Variants in ZNF503 observed in about 807,000 individuals in gnomAD.
ZNF503 encodes zinc finger protein 503, also known as NocA-like zinc finger 2.
A neutral mutation model predicts 34.4 loss-of-function variants in ZNF503; 15 were observed. The ratio of observed to expected loss-of-function variants is 0.44; its 90% CI spans 0.29 to 0.67. The LOEUF (loss-of-function observed/expected upper bound fraction) is 0.67, where lower values mean the gene tolerates loss of function less well. Among genes scored for constraint, ZNF503 ranks in the 30% least tolerant of loss-of-function variants. ZNF503 has a pLI of 0.13. For missense variants in ZNF503, 1,007 were observed against 926.8 expected (o/e 1.09, Z -1.12); for synonymous variants, 580 against 456.8 (o/e 1.27, Z -3.44).
Position 75,399,791 on chromosome 10 carries a change from C to T in ZNF503, c.899G>A (p.Gly300Glu), listed in dbSNP as rs1843758772. The change falls in exon 2 of 2, where the codon GGG (glycine) becomes GAG (glutamate). Residue 300 changes from glycine (G) to glutamate (E), a missense_variant. Transcript: ENST00000372524. ...INVDVNQHPD[G>E]GPGGKALGSD... Reference sequence around the variant, plus strand: ...GCCCAGAGCCTTGCCTCCCGGGCCCCCATCCGGATGCTGGTTCACATCCAC... The same window carrying T: ...GCCCAGAGCCTTGCCTCCCGGGCCCTCATCCGGATGCTGGTTCACATCCAC... 6.3e-7 allele frequency: 1 copy of T among 1,597,630 alleles called. No homozygotes were observed. The highest frequency in any genetic ancestry group is 1.7e-4 in the Middle Eastern group (1 of 6,044).
chr10:75,320,662 TAAAG>T, the ZNF503 span, among the ~76,000 whole-genome samples: 1 of 151,694 alleles, frequency 6.6e-6, no homozygotes, highest in South Asian at 2.1e-4. Context: ...TAAAAAAAAT[TAAAG>T]AAAAGATAAG....
chr10:75,328,606 T>G, the ZNF503 span, among the ~76,000 whole-genome samples: 1 of 151,900 alleles, frequency 6.6e-6, no homozygotes, highest in Non-Finnish European at 1.5e-5. Flanking sequence ...CATACAAGTT[T>G]TAGGATTTTT....
the ZNF503 span, among the ~76,000 whole-genome samples, chr10:75,369,012 T>C: frequency 1.3e-5 from 2 of 152,332 alleles, no homozygotes; most frequent in Admixed American, 6.5e-5. Context: ...ATCTGTATAG[T>C]GGGATACTAT....
the ZNF503 span, among the ~76,000 whole-genome samples, chr10:75,347,475 C>G: frequency 6.6e-6 from 1 of 152,224 alleles, no homozygotes; most frequent in Non-Finnish European, 1.5e-5. Flanking sequence ...TCAGGCATGG[C>G]TCTGAGGGGT....
At chr10:75,279,995 G>T in the ZNF503 span, 9 of 152,298 alleles carry the variant, frequency 5.9e-5, no homozygotes, top group Non-Finnish European at 8.8e-5. Context: ...GGGTTAAAAT[G>T]AATTTTGTGG....
chr10:75,289,012 G>T, the ZNF503 span, among the ~76,000 whole-genome samples: 1 of 152,138 alleles, frequency 6.6e-6, no homozygotes, highest in Non-Finnish European at 1.5e-5. Context: ...GTTACCATGG[G>T]GAAGGCTGGA....
At chr10:75,388,889 G>A in the ZNF503 span, among the ~76,000 whole-genome samples, 1 of 152,112 alleles carries the variant, frequency 6.6e-6, no homozygotes, top group Non-Finnish European at 1.5e-5. Context: ...TCAAGGTCAA[G>A]GATTTAAAAT....
the ZNF503 span, among the ~76,000 whole-genome samples, chr10:75,334,829 G>T: frequency 6.6e-6 from 1 of 152,312 alleles, no homozygotes; most frequent in South Asian, 2.1e-4. Context: ...TCAACTGTTT[G>T]TGTGCAAATC....
At chr10:75,281,293 G>A in the ZNF503 span, among the ~76,000 whole-genome samples, 2 of 152,164 alleles carry the variant, frequency 1.3e-5, no homozygotes, top group Non-Finnish European at 2.9e-5. Context: ...CTTCCCATCT[G>A]CATGGAGGAG....
the ZNF503 span, among the ~76,000 whole-genome samples, chr10:75,369,427 G>T: frequency 6.6e-6 from 1 of 152,196 alleles, no homozygotes; most frequent in African/African-American, 2.4e-5. Flanking sequence ...GTTCTCATGA[G>T]ATCTGATGGT....
the ZNF503 span, among the ~76,000 whole-genome samples, chr10:75,333,020 C>T: frequency 6.8e-6 from 1 of 147,260 alleles, no homozygotes; most frequent in Admixed American, 6.7e-5. Flanking sequence ...GGTGGCCGGG[C>T]AGAGGGGCTC....
At position 75,399,487 on chromosome 10, in the gene ZNF503, A is replaced by C. The variant is rs981035941; in HGVS notation, c.1203T>G (p.Ser401=). 2.0e-5 allele frequency: 32 copies of C among 1,572,334 alleles called. No individual in the cohort carries two copies. The highest frequency in any genetic ancestry group is 2.6e-5 in the Non-Finnish European group (30 of 1,166,066). Residue 401 remains serine, a synonymous_variant, in exon 2 of 2, where the codon TCT becomes TCG. Coordinates refer to ENST00000372524, the MANE Select transcript of ZNF503 (RefSeq NM_032772.6). ...GAQLAAAAAG[S]LGCSKPAGSS... ...AGCCGGCCGGCTTACTGCAGCCCAG[A>C]GACCCGGCCGCGGCCGCCGCCAGCT... is the stretch of plus-strand genomic sequence containing the variant.
In ZNF503 at chr10:75,401,354, TCCG is replaced by T. The variant is rs760375543; in HGVS notation, c.63_65del (p.Gly27del). 5.0e-5 allele frequency: 75 copies of T among 1,505,814 alleles called. No homozygotes were observed. The highest frequency in any genetic ancestry group is 2.0e-4 in the Middle Eastern group (1 of 5,110). 93.3% of individuals were successfully genotyped at this position (1,505,814 alleles called of 1,614,324 possible). A position where few individuals can be genotyped will look rare whatever the true frequency, so the allele number is the denominator to read the frequency against. Reference sequence around the variant, plus strand: ...CAGGGTCTGCACCGCCGCCTCCGCCTCCGCCGCCGCCGCCGCCGCTGTGCTTAC... The same window carrying T: ...CAGGGTCTGCACCGCCGCCTCCGCCTCCGCCGCCGCCGCCGCTGTGCTTAC... On this transcript the variant is annotated inframe_deletion, in exon 1 of 2. Transcript: ENST00000372524.
Position 75,400,096 on chromosome 10 carries a change from GCCACCGCCACCGCCT to G in ZNF503, c.579_593del (p.Gly200_Gly204del). 3 of 665,776 alleles carry G rather than the reference GCCACCGCCACCGCCT, an allele frequency of 4.5e-6. No homozygotes were observed. Among genetic ancestry groups the G allele is most frequent in the South Asian group, 2.3e-5 (1 of 44,192 alleles). 41.2% of individuals were successfully genotyped at this position (665,776 alleles called of 1,614,324 possible). A position where few individuals can be genotyped will look rare whatever the true frequency, so the allele number is the denominator to read the frequency against. On this transcript the variant is annotated inframe_deletion, in exon 2 of 2. Transcript: ENST00000372524. ...ACGAAACACCCCCGCCGCCGCCCCC[GCCACCGCCACCGCCT>G]CCACCGCCGCCTCCCGGCTCCTTCT...
chr10:75,362,582 T>G, the ZNF503 span, among the ~76,000 whole-genome samples: 1 of 152,192 alleles, frequency 6.6e-6, no homozygotes, highest in African/African-American at 2.4e-5. Flanking sequence ...AGAAAATAAA[T>G]GTATGGCTAT....
chr10:75,293,821 A>G, the ZNF503 span, among the ~76,000 whole-genome samples: 1 of 152,126 alleles, frequency 6.6e-6, no homozygotes, highest in African/African-American at 2.4e-5. Context: ...ATGTAAAGAG[A>G]TCTGTAAGCA....
chr10:75,302,732 T>C, the ZNF503 span, among the ~76,000 whole-genome samples: 2 of 152,220 alleles, frequency 1.3e-5, no homozygotes, highest in Non-Finnish European at 2.9e-5. Flanking sequence ...AACCTCAGAT[T>C]GATGGAGCCA....
Position 75,401,559 on chromosome 10 carries a change from C to T in ZNF503, c.-140G>A. 2 of 1,033,338 alleles carry T rather than the reference C, an allele frequency of 1.9e-6. No individual in the cohort carries two copies. The highest frequency in any genetic ancestry group is 1.4e-6 in the Non-Finnish European group (1 of 720,328). The allele number at this position is 1,033,338 out of a possible 1,614,324, so 64.0% of individuals were successfully genotyped here. A position where few individuals can be genotyped will look rare whatever the true frequency, so the allele number is the denominator to read the frequency against. ...GCGGCGGCCACGGGCGCCCAGCGCG[C>T]CTTCTCGGCGCCTGGAGCCAGACGC... On this transcript the variant is annotated 5_prime_UTR_variant, in exon 1 of 2. Coordinates refer to ENST00000372524, the MANE Select transcript of ZNF503 (RefSeq NM_032772.6).
In ZNF503 at chr10:75,399,689, G is replaced by C. The variant is rs752562212; in HGVS notation, c.1001C>G (p.Ser334Cys). Residue 334 changes from serine to cysteine, a missense_variant, in exon 2 of 2, where the codon TCT (serine) becomes TGT (cysteine). Ser to Cys is a moderately radical substitution (Grantham distance 112, BLOSUM62 -1). Coordinates refer to ENST00000372524, the MANE Select transcript of ZNF503 (RefSeq NM_032772.6). ...GGGTGACACGGGAGCCACCAGCCCAGAGCCCAACACTGAGGAGGAGGTGGG... is the reference window on the plus strand; with the variant it reads ...GGGTGACACGGGAGCCACCAGCCCACAGCCCAACACTGAGGAGGAGGTGGG... ...SAPTSSSVLGSGLVAPVSPYK... is the reference protein window; with the variant it reads ...SAPTSSSVLGCGLVAPVSPYK... 4.4e-6 allele frequency: 7 copies of C among 1,600,440 alleles called. No individual in the cohort carries two copies. Among genetic ancestry groups the C allele is most frequent in the Non-Finnish European group, 5.1e-6 (6 of 1,179,316 alleles).
Sources: gnomAD v4.1 joint callset for allele counts (sites outside exome capture counted in the v4.1 genomes callset) on GRCh38, gnomAD v4.1.1 for gene constraint, MANE v1.5 for transcripts, NCBI Gene and HGNC (gene_info 2026-07-23, HGNC 2026-07-21) for gene names.